Variants in TMTC1 observed in about 807,000 individuals in gnomAD.
TMTC1 encodes the protein transmembrane O-mannosyltransferase targeting cadherins 1, also known as protein O-mannosyl-transferase TMTC1.
Under a neutral mutation model 104.8 loss-of-function variants are expected in TMTC1, and 73 were observed. The ratio of observed to expected loss-of-function variants is 0.70; its 90% confidence interval spans 0.58 to 0.85. TMTC1 has a LOEUF of 0.85. Among genes scored for constraint, TMTC1 ranks in the 40% least tolerant of loss-of-function variants. The probability of loss-of-function intolerance (pLI) is 0.00; values close to 1 mark genes in which losing one functional copy is unlikely to be tolerated. For synonymous variants in TMTC1, 434 were observed against 428.7 expected, an observed-to-expected ratio of 1.01 and a Z score of -0.15; for missense variants, 1,035 against 1,096.1, an observed-to-expected ratio of 0.94 and a Z score of 0.79.
chr12:29,524,547 T>C (rs1174187559), intron 11 of TMTC1, among the ~76,000 whole-genome samples: 1 of 152,210 alleles, frequency 6.6e-6, no homozygotes, highest in Non-Finnish European at 1.5e-5. Flanking sequence ...GAGCCTATTA[T>C]GAGGGATGAA....
At chr12:29,621,142 G>A (rs909033937) in intron 6 of TMTC1, among the ~76,000 whole-genome samples, 2 of 152,106 alleles carry the variant, frequency 1.3e-5, no homozygotes, top group Non-Finnish European at 2.9e-5. Flanking sequence ...TAGGCCAGAG[G>A]AAAAAAGAAA....
intron 4 of TMTC1, 82 bp from the exon 5 acceptor site, chr12:29,751,954 C>T (rs780573006): frequency 5.1e-5 from 67 of 1,318,544 alleles, no homozygotes; most frequent in Non-Finnish European, 6.5e-5. Flanking sequence ...AACTGCCCCA[C>T]CCACAAGTCT....
Position 29,778,847 on chromosome 12 carries a change from C to T in TMTC1, c.302+4603G>A, listed in dbSNP as rs571220336. Among the ~76,000 whole-genome samples, 7 of 152,256 alleles carry T rather than the reference C, an allele frequency of 4.6e-5. No individual in the cohort carries two copies. The South Asian group carries it at 1.0e-3, about 23-fold the overall frequency. On this transcript the variant is annotated intron_variant, in intron 1 of 17. Transcript: ENST00000539277. ...CTATTGCTGGGGCTGGTTAAATAGCCTATGTAAGTGTGATGCTTCTGTGTC... is the reference window on the plus strand; with the variant it reads ...CTATTGCTGGGGCTGGTTAAATAGCTTATGTAAGTGTGATGCTTCTGTGTC...
chr12:29,593,365 T>C (rs1946330941), intron 7 of TMTC1, among the ~76,000 whole-genome samples: 1 of 152,202 alleles, frequency 6.6e-6, no homozygotes, highest in South Asian at 2.1e-4. Context: ...TACTACTCTA[T>C]CAGTTACACA....
chr12:29,659,765 T>C (rs2136637301), intron 5 of TMTC1: 1 of 697,128 alleles, frequency 1.4e-6, no homozygotes, highest in East Asian at 2.8e-5. Context: ...TAGTTTCTTT[T>C]CTCCCCACAT....
chr12:29,691,246 C>T (rs1255599070), intron 5 of TMTC1, among the ~76,000 whole-genome samples: 1 of 152,152 alleles, frequency 6.6e-6, no homozygotes, highest in Non-Finnish European at 1.5e-5. Context: ...CACCAGCTGA[C>T]ACCACCCAGA....
intron 5 of TMTC1, among the ~76,000 whole-genome samples, chr12:29,657,125 G>A (rs1939797288): frequency 6.6e-6 from 1 of 152,218 alleles, no homozygotes; most frequent in Non-Finnish European, 1.5e-5. Context: ...CAGGGAACAT[G>A]CTATGTCTAA....
intron 10 of TMTC1, among the ~76,000 whole-genome samples, chr12:29,555,522 T>C (rs1198040911): frequency 3.9e-5 from 6 of 152,014 alleles, no homozygotes; most frequent in African/African-American, 1.4e-4. Context: ...CCCCTCCCTG[T>C]GTCCATGTGT....
At chr12:29,524,077 T>C (rs888598306) in intron 11 of TMTC1, among the ~76,000 whole-genome samples, 2 of 152,208 alleles carry the variant, frequency 1.3e-5, no homozygotes, top group African/African-American at 4.8e-5. Context: ...GATGTCTTTA[T>C]GAGAACACTC....
At chr12:29,681,908 T>C (rs1357599937) in intron 5 of TMTC1, among the ~76,000 whole-genome samples, 2 of 152,210 alleles carry the variant, frequency 1.3e-5, no homozygotes, top group Non-Finnish European at 2.9e-5. Context: ...TGACAGTAAT[T>C]GTTGAAGGTG....
chr12:29,662,191 C>CTTTTTAAATCCAA (rs1442124457), intron 5 of TMTC1, among the ~76,000 whole-genome samples: 1 of 152,084 alleles, frequency 6.6e-6, no homozygotes, highest in Non-Finnish European at 1.5e-5. Flanking sequence ...TTTTTTTCTC[C>CTTTTTAAATCCAA]TTTTTAAATC....
chr12:29,527,130 T>C (rs138293783), intron 11 of TMTC1, among the ~76,000 whole-genome samples: 5,182 of 152,298 alleles, frequency 0.034, 118 homozygotes, highest in Middle Eastern at 0.068. Context: ...GTTTAAAACA[T>C]TTAATTAAAA....
At chr12:29,584,433 C>CT (rs770674066) in intron 7 of TMTC1, among the ~76,000 whole-genome samples, 7 of 151,338 alleles carry the variant, frequency 4.6e-5, no homozygotes, top group Admixed American at 1.3e-4. Context: ...TTCTTTTATT[C>CT]TTTTTTTTAA....
At chr12:29,772,550 T>C (rs1160750716) in intron 1 of TMTC1, among the ~76,000 whole-genome samples, 1 of 152,218 alleles carries the variant, frequency 6.6e-6, no homozygotes, top group Non-Finnish European at 1.5e-5. Flanking sequence ...TCCAGCTCAC[T>C]TCACTCACTC....
At chr12:29,669,623 G>C (rs532037736) in intron 5 of TMTC1, among the ~76,000 whole-genome samples, 1 of 152,322 alleles carries the variant, frequency 6.6e-6, no homozygotes, top group East Asian at 1.9e-4. Flanking sequence ...ATAAGAATAA[G>C]TGAGAAAAGC....
intron 5 of TMTC1, among the ~76,000 whole-genome samples, chr12:29,729,418 C>T (rs187160093): frequency 6.6e-5 from 10 of 152,142 alleles, no homozygotes; most frequent in Middle Eastern, 3.4e-3. Context: ...CTACCTTCTG[C>T]TTTCTAGTTT....
At chr12:29,714,291 A>G (rs763014922) in intron 5 of TMTC1, among the ~76,000 whole-genome samples, 1 of 152,190 alleles carries the variant, frequency 6.6e-6, no homozygotes, top group African/African-American at 2.4e-5. Context: ...GCTTTTCCTC[A>G]TGACATTGTT....
chr12:29,660,936 A>C, intron 5 of TMTC1: 15 of 1,109,454 alleles, frequency 1.4e-5, no homozygotes, highest in Non-Finnish European at 1.7e-5. Flanking sequence ...ACCAGACACA[A>C]TGTTCTCCTT....
chr12:29,510,984 T>G (rs952712741), intron 17 of TMTC1, among the ~76,000 whole-genome samples: 4 of 152,130 alleles, frequency 2.6e-5, no homozygotes, highest in Admixed American at 2.6e-4. Flanking sequence ...ACAGGCGTGC[T>G]CAAACCTTAG....
Sources: allele counts gnomAD v4.1 joint callset (sites outside exome capture counted in the v4.1 genomes callset), GRCh38; gene constraint gnomAD v4.1.1; transcripts MANE v1.5; gene names NCBI Gene and HGNC (gene_info 2026-07-23, HGNC 2026-07-21).